Variants in AKR1C1 observed in about 807,000 individuals in gnomAD.
AKR1C1 encodes the protein aldo-keto reductase family 1 member C1, also known as 20 alpha-hydroxysteroid dehydrogenase.
Under a neutral mutation model 40.6 loss-of-function variants are expected in AKR1C1, and 32 were observed. The observed-to-expected ratio is 0.79, with a 90% CI of 0.60 to 1.06. AKR1C1 has a LOEUF of 1.06. AKR1C1 is among the 50% of genes least tolerant of loss of function. The probability of loss-of-function intolerance (pLI) is 0.00; values close to 1 mark genes in which losing one functional copy is unlikely to be tolerated. For missense variants in AKR1C1, 320 were observed against 363.5 expected (o/e 0.88, Z 0.97); for synonymous variants, 105 against 134.2 (o/e 0.78, Z 1.50).
chr10:4,968,238 G>A, intron 3 of AKR1C1, 71 bp from the exon 4 acceptor site: 1 of 1,424,940 alleles, frequency 7.0e-7, no homozygotes, highest in Non-Finnish European at 9.6e-7. Flanking sequence ...GTCCTTAAAT[G>A]TACCTCAGAG....
At position 4,979,376 on chromosome 10, in the gene AKR1C1, G is replaced by C. The variant is rs527918464; in HGVS notation, c.*1634G>C. The C allele has an allele frequency of 2.4e-4, 37 of 152,256 alleles. No homozygotes were observed. The highest frequency in any genetic ancestry group is 8.7e-4 in the African/African-American group (36 of 41,544). The allele number at this position is 152,256 out of a possible 1,614,324, so 9.4% of individuals were successfully genotyped here. ...AATAGAAGATCACAATGTGAACTCT[G>C]CATCTCCATGTTAAAGTCTAATGGA... On this transcript the variant is annotated 3_prime_UTR_variant, in exon 9 of 9. Coordinates refer to ENST00000380872, the MANE Select transcript of AKR1C1 (RefSeq NM_001353.6).
rs1554771218 is a variant in AKR1C1 at position 4,982,630 on chromosome 10, C to A, written c.*4888C>A. On this transcript the variant is annotated 3_prime_UTR_variant, in exon 9 of 9. Transcript: ENST00000380872. ...ATCCACCCATCCTGGTAGCTTAACA[C>A]AAAGATACACTTTTAGGAGCTTCAT... 4.4e-6 allele frequency: 1 copy of A among 228,644 alleles called. No homozygotes were observed. Among genetic ancestry groups the A allele is most frequent in the Non-Finnish European group, 8.7e-6 (1 of 115,272 alleles). 14.2% of individuals were successfully genotyped at this position (228,644 alleles called of 1,614,324 possible).
In AKR1C1 at chr10:4,972,662, C is replaced by T. The variant is rs782204084; in HGVS notation, c.759C>T (p.Ala253=). 6.2e-7 allele frequency: 1 copy of T among 1,613,038 alleles called. No homozygotes were observed. The highest frequency in any genetic ancestry group is 2.2e-5 in the East Asian group (1 of 44,894). ...ALAKKHKRTP[A]LIALRYQLQR... ...CAAAAAAGCACAAGCGAACCCCAGCCCTGATTGCCCTGCGCTACCAGCTAC... is the reference window on the plus strand; with the variant it reads ...CAAAAAAGCACAAGCGAACCCCAGCTCTGATTGCCCTGCGCTACCAGCTAC... Residue 253 remains alanine, a synonymous_variant, in exon 7 of 9, where the codon GCC becomes GCT. Transcript: ENST00000380872.
intron 5 of AKR1C1, chr10:4,969,703 G>T: frequency 1.9e-6 from 3 of 1,612,122 alleles, no homozygotes; most frequent in Non-Finnish European, 2.5e-6. Context: ...TTTTCCTTGA[G>T]TCCTGACTGG....
chr10:4,981,870 A>G lies in AKR1C1; in HGVS notation c.*4128A>G, dbSNP rs1836622501. ...CCGGGAGGGATGTGGCCTGAAAGCC[A>G]TGGTTATTATCTCAGCGTGTAAGCT... On this transcript the variant is annotated 3_prime_UTR_variant, in exon 9 of 9. Coordinates refer to ENST00000380872, the MANE Select transcript of AKR1C1 (RefSeq NM_001353.6). 6.6e-6 allele frequency: 1 copy of G among 152,246 alleles called. No homozygotes were observed. Among genetic ancestry groups the G allele is most frequent in the African/African-American group, 2.4e-5 (1 of 41,446 alleles). 9.4% of individuals were successfully genotyped at this position (152,246 alleles called of 1,614,324 possible).
intron 5 of AKR1C1, among the ~76,000 whole-genome samples, chr10:4,970,275 G>T (rs1836401869): frequency 2.0e-5 from 3 of 152,160 alleles, no homozygotes; most frequent in South Asian, 2.1e-4. Context: ...GTCCATATTT[G>T]AATTTTTCCT....
At chr10:4,965,172 A>G (rs1836311596) in intron 1 of AKR1C1, among the ~76,000 whole-genome samples, 1 of 152,236 alleles carries the variant, frequency 6.6e-6, no homozygotes, top group Non-Finnish European at 1.5e-5. Context: ...ATTCTGTGCA[A>G]TATGGTGGGA....
chr10:4,973,166 CTTT>C (rs149589846), intron 7 of AKR1C1, among the ~76,000 whole-genome samples: 1 of 137,846 alleles, frequency 7.3e-6, no homozygotes. Context: ...TTAACTCTGC[CTTT>C]TTTTTTTTGG....
chr10:4,981,903 T>A lies in AKR1C1; in HGVS notation c.*4161T>A, dbSNP rs554344452. The A allele has an allele frequency of 2.6e-5, 4 of 152,398 alleles. No individual in the cohort carries two copies. Among genetic ancestry groups the A allele is most frequent in the Admixed American group, 2.6e-4 (4 of 15,310 alleles). The allele number at this position is 152,398 out of a possible 1,614,324, so 9.4% of individuals were successfully genotyped here. A position where few individuals can be genotyped will look rare whatever the true frequency, so the allele number is the denominator to read the frequency against. On this transcript the variant is annotated 3_prime_UTR_variant, in exon 9 of 9. Coordinates refer to ENST00000380872, the MANE Select transcript of AKR1C1 (RefSeq NM_001353.6). ...TATCTCAGCGTGTAAGCTGATGATC[T>A]GAGGCTGGTCAGAGTTCTGTGCGCA...
intron 3 of AKR1C1, 109 bp from the exon 4 acceptor site, chr10:4,968,200 T>G: frequency 7.3e-7 from 1 of 1,362,932 alleles, no homozygotes; most frequent in Admixed American, 1.9e-5. Context: ...TCTGGAGCAC[T>G]GCATCACCTA....
In AKR1C1 at chr10:4,981,391, C is replaced by G. The variant is rs11252859; in HGVS notation, c.*3649C>G. 3 of 151,906 alleles carry G rather than the reference C, an allele frequency of 2.0e-5. No homozygotes were observed. Among genetic ancestry groups the G allele is most frequent in the Non-Finnish European group, 4.4e-5 (3 of 67,964 alleles). 9.4% of individuals were successfully genotyped at this position (151,906 alleles called of 1,614,324 possible). A position where few individuals can be genotyped will look rare whatever the true frequency, so the allele number is the denominator to read the frequency against. ...TCAGAGATATCACAAAATGACAAAA[C>G]AAGTACAGGGGCAGCAAAAGGTAAC... On this transcript the variant is annotated 3_prime_UTR_variant, in exon 9 of 9. Transcript: ENST00000380872.
chr10:4,964,813 T>C lies in AKR1C1; in HGVS notation c.85-1101T>C, dbSNP rs147652088. ...TTACACCTACTATTTAGTTCTGTCA[T>C]GCCGACAGAATGGCTAATGGCTGTG... is the stretch of plus-strand genomic sequence containing the variant. On this transcript the variant is annotated intron_variant, in intron 1 of 8. Transcript: ENST00000380872. Among the ~76,000 whole-genome samples the C allele has an allele frequency of 3.8e-3, 586 of 152,342 alleles. 4 individuals are homozygous for C. The highest frequency in any genetic ancestry group is 0.014 in the African/African-American group (565 of 41,568).
In AKR1C1 at chr10:4,965,913, G is replaced by T. The variant is rs1274363828; in HGVS notation, c.85-1G>T. 3.1e-6 allele frequency: 5 copies of T among 1,613,198 alleles called. No individual in the cohort carries two copies. Among genetic ancestry groups the T allele is most frequent in the Non-Finnish European group, 4.2e-6 (5 of 1,179,648 alleles). ...AATACTACCTATGGTTACTCCCCCA[G>T]GTTCCTAAAAGTAAAGCTTTAGAGG... is the stretch of plus-strand genomic sequence containing the variant. On this transcript the variant is annotated splice_acceptor_variant, in intron 1 of 8. Coordinates refer to ENST00000380872, the MANE Select transcript of AKR1C1 (RefSeq NM_001353.6). LOFTEE classifies it high-confidence loss of function.
chr10:4,980,637 AT>A lies in AKR1C1; in HGVS notation c.*2897del, dbSNP rs1836601392. 6.7e-6 allele frequency: 1 copy of A among 150,292 alleles called. No homozygotes were observed. Among genetic ancestry groups the A allele is most frequent in the African/African-American group, 2.4e-5 (1 of 41,254 alleles). The allele number at this position is 150,292 out of a possible 1,614,324, so 9.3% of individuals were successfully genotyped here. The stretch of plus-strand genomic sequence containing the variant: ...TAAGAAACACTTCTCCTTTGTTAAA[AT>A]TACATCATGAGATTGCAAGCATTCA... On this transcript the variant is annotated 3_prime_UTR_variant, in exon 9 of 9. Coordinates refer to ENST00000380872, the MANE Select transcript of AKR1C1 (RefSeq NM_001353.6).
At chr10:4,967,272 C>T in intron 3 of AKR1C1, 1 of 1,072,626 alleles carries the variant, frequency 9.3e-7, no homozygotes, top group Non-Finnish European at 1.2e-6. Context: ...AAGCCTCTGC[C>T]TCAAAAACTT....
Position 4,982,938 on chromosome 10 carries a change from C to T in AKR1C1, c.*5196C>T, listed in dbSNP as rs568395493. Reference sequence around the variant, plus strand: ...CATGACAAGTTCACCGCTCGCATAACCAGCATTCAAGAAAGCCAGCACACT... The same window carrying T: ...CATGACAAGTTCACCGCTCGCATAATCAGCATTCAAGAAAGCCAGCACACT... On this transcript the variant is annotated 3_prime_UTR_variant, in exon 9 of 9. Coordinates refer to ENST00000380872, the MANE Select transcript of AKR1C1 (RefSeq NM_001353.6). 2.2e-6 allele frequency: 1 copy of T among 450,514 alleles called. No homozygotes were observed. The highest frequency in any genetic ancestry group is 7.0e-5 in the East Asian group (1 of 14,234). The allele number at this position is 450,514 out of a possible 1,614,324, so 27.9% of individuals were successfully genotyped here.
chr10:4,972,377 C>G (rs1836444767), intron 6 of AKR1C1, 67 bp downstream of exon 6: 3 of 1,596,302 alleles, frequency 1.9e-6, no homozygotes, highest in Non-Finnish European at 2.6e-6. Context: ...TCAGATCATG[C>G]TGTTTCCTGG....
At position 4,979,306 on chromosome 10, in the gene AKR1C1, C is replaced by G. The variant is rs782169600; in HGVS notation, c.*1564C>G. ...AAATATCACTTCTAGGCTGAAAAAT[C>G]CCCCTAAAAATATTTCTAGCTCAGA... On this transcript the variant is annotated 3_prime_UTR_variant, in exon 9 of 9. Coordinates refer to ENST00000380872, the MANE Select transcript of AKR1C1 (RefSeq NM_001353.6). 4.6e-5 allele frequency: 7 copies of G among 152,124 alleles called. No individual in the cohort carries two copies. Among genetic ancestry groups the G allele is most frequent in the Non-Finnish European group, 7.4e-5 (5 of 68,026 alleles). 9.4% of individuals were successfully genotyped at this position (152,124 alleles called of 1,614,324 possible). A position where few individuals can be genotyped will look rare whatever the true frequency, so the allele number is the denominator to read the frequency against.
intron 1 of AKR1C1, 156 bp from the exon 2 acceptor site, chr10:4,965,758 G>A (rs1564314659): frequency 2.4e-6 from 2 of 831,948 alleles, no homozygotes; most frequent in East Asian, 2.9e-5. Flanking sequence ...TACTAACTGG[G>A]AAAGACCCAG....
Sources: allele counts gnomAD v4.1 joint callset (sites outside exome capture counted in the v4.1 genomes callset), GRCh38; gene constraint gnomAD v4.1.1; transcripts MANE v1.5; gene names NCBI Gene and HGNC (gene_info 2026-07-23, HGNC 2026-07-21).